SH3RF2: variants seen among roughly 807,000 people sequenced by gnomAD.
SH3RF2 encodes the protein E3 ubiquitin-protein ligase SH3RF2.
In SH3RF2, 43 loss-of-function variants were observed where a neutral mutation model predicts 59.0. That is an observed-to-expected ratio of 0.73 (90% CI 0.57 to 0.94). SH3RF2 has a LOEUF of 0.94. Among genes scored for constraint, SH3RF2 ranks in the 40% least tolerant of loss-of-function variants. SH3RF2 has a pLI of 0.00. For missense variants in SH3RF2, 930 were observed against 940.1 expected, an observed-to-expected ratio of 0.99 and a Z score of 0.14; for synonymous variants, 391 against 391.5, an observed-to-expected ratio of 1.00 and a Z score of 0.01.
intron 4 of SH3RF2, among the ~76,000 whole-genome samples, chr5:146,011,857 T>C (rs1324987302): frequency 6.6e-6 from 1 of 151,990 alleles, no homozygotes; most frequent in Admixed American, 6.6e-5. Context: ...CTTTTCCTAA[T>C]TGAATACCCT....
At chr5:145,937,432 C>A (rs1337415209) in intron 1 of SH3RF2, among the ~76,000 whole-genome samples, 2 of 152,096 alleles carry the variant, frequency 1.3e-5, no homozygotes, top group Admixed American at 6.5e-5. Flanking sequence ...GAGGAGATAG[C>A]TTCACAGAAA....
intron 2 of SH3RF2, among the ~76,000 whole-genome samples, chr5:145,990,349 T>C (rs1759885527): frequency 6.6e-6 from 1 of 152,202 alleles, no homozygotes; most frequent in African/African-American, 2.4e-5. Flanking sequence ...TCAAAAGCAA[T>C]AGAGATTATT....
chr5:146,024,111 G>A (rs1761438824), intron 5 of SH3RF2, among the ~76,000 whole-genome samples: 1 of 152,196 alleles, frequency 6.6e-6, no homozygotes, highest in South Asian at 2.1e-4. Flanking sequence ...ACCTAGAAGT[G>A]GAACTGTTAG....
In SH3RF2 at chr5:145,960,652, C is replaced by T. The variant is rs114529602; in HGVS notation, c.378+22346C>T. On this transcript the variant is annotated intron_variant, in intron 2 of 9. Transcript: ENST00000359120. ...GTTTAAAAGGGGTAGGCTGACCTGC[C>T]TCACTTGTGTTTAACTCCTATGGCT... Among the ~76,000 whole-genome samples, 1,128 of 152,268 alleles carry T rather than the reference C, an allele frequency of 7.4e-3. 14 individuals carry two copies. The highest frequency in any genetic ancestry group is 0.026 in the African/African-American group (1,068 of 41,542).
At chr5:146,047,007 T>C (rs912093437) in intron 5 of SH3RF2, among the ~76,000 whole-genome samples, 4 of 152,172 alleles carry the variant, frequency 2.6e-5, no homozygotes, top group African/African-American at 9.7e-5. Flanking sequence ...TTCTCCCAGC[T>C]CAGCTTCCCA....
intron 2 of SH3RF2, among the ~76,000 whole-genome samples, chr5:145,949,766 G>C (rs1315590855): frequency 6.6e-6 from 1 of 152,166 alleles, no homozygotes. Flanking sequence ...ATTTTTAACA[G>C]GGGAAAAAGA....
intron 9 of SH3RF2, among the ~76,000 whole-genome samples, chr5:146,074,736 T>C (rs1002701119): frequency 5.9e-5 from 9 of 152,150 alleles, no homozygotes; most frequent in African/African-American, 2.2e-4. Flanking sequence ...TTATTACTAG[T>C]TGTGAGTCTC....
rs1263734613 is a variant in SH3RF2 at position 145,938,214 on chromosome 5, T to C, written c.286T>C (p.Leu96=). The part of the protein sequence containing the change: ...GSFRRPGTMT[L]QDGRKSRTNP... ...CTTCCGCAGGCCTGGCACGATGACC[T>C]TGCAGGATGGCAGGAAAAGCAGGAC... The change falls in exon 2 of 10, where the codon TTG becomes CTG. Residue 96 remains leucine, a synonymous_variant. Transcript: ENST00000359120. 1.9e-6 allele frequency: 3 copies of C among 1,612,932 alleles called. No individual in the cohort carries two copies. The African/African-American group carries it at 4.0e-5, about 22-fold the overall frequency.
rs377071770 is a variant in SH3RF2, at chr5:145,987,944, A to T, written c.379-12114A>T. ...TGAGGAAGTGTGCTCAGGGGTCCCA[A>T]GATCACCTTCACTTTCAGTTATTCA... On this transcript the variant is annotated intron_variant, in intron 2 of 9. Coordinates refer to ENST00000359120, the MANE Select transcript of SH3RF2 (RefSeq NM_152550.4). 1.3e-3 allele frequency among the ~76,000 whole-genome samples: 196 copies of T among 152,352 alleles called. 1 individual carries two copies. Among genetic ancestry groups the T allele is most frequent in the African/African-American group, 4.6e-3 (190 of 41,582 alleles).
At chr5:146,009,781 T>C (rs1381115889) in intron 4 of SH3RF2, among the ~76,000 whole-genome samples, 1 of 152,250 alleles carries the variant, frequency 6.6e-6, no homozygotes, top group Non-Finnish European at 1.5e-5. Flanking sequence ...TATAAGCTTC[T>C]TGAAGCAAGA....
chr5:145,941,917 A>G (rs542741921), intron 2 of SH3RF2, among the ~76,000 whole-genome samples: 1 of 152,194 alleles, frequency 6.6e-6, no homozygotes, highest in African/African-American at 2.4e-5. Flanking sequence ...TGTTGAAGTG[A>G]CTCAATACTT....
downstream of SH3RF2, among the ~76,000 whole-genome samples, chr5:146,064,790 AGGAAGGAAGG>A (rs1763045461): frequency 3.0e-5 from 1 of 33,130 alleles, no homozygotes; most frequent in African/African-American, 1.1e-4. Flanking sequence ...GAAGGAAGGA[AGGAAGGAAGG>A]AAGGAAGGAA....
chr5:145,980,464 A>G (rs1287288576), intron 2 of SH3RF2, among the ~76,000 whole-genome samples: 1 of 152,176 alleles, frequency 6.6e-6, no homozygotes, highest in Non-Finnish European at 1.5e-5. Flanking sequence ...TTAGCATTCC[A>G]CAGTAGTTAC....
downstream of SH3RF2, among the ~76,000 whole-genome samples, chr5:146,065,752 G>GT (rs1377637193): frequency 3.3e-5 from 5 of 152,174 alleles, no homozygotes; most frequent in Non-Finnish European, 5.9e-5. Context: ...GACAAAGGAT[G>GT]TTTTTTCCAA....
chr5:146,026,940 A>G (rs538351835), intron 5 of SH3RF2, among the ~76,000 whole-genome samples: 7 of 152,304 alleles, frequency 4.6e-5, no homozygotes, highest in African/African-American at 1.4e-4. Context: ...TGGCTCAATA[A>G]ATGTTCACTC....
intron 4 of SH3RF2, among the ~76,000 whole-genome samples, chr5:146,006,684 C>T (rs183394247): frequency 3.9e-5 from 6 of 152,268 alleles, no homozygotes; most frequent in Non-Finnish European, 1.5e-5. Flanking sequence ...GAAGACAGAT[C>T]ACAGAGGACT....
intron 2 of SH3RF2, among the ~76,000 whole-genome samples, chr5:145,964,185 TTTC>T (rs992340715): frequency 1.1e-4 from 16 of 151,812 alleles, no homozygotes; most frequent in Non-Finnish European, 8.8e-5. Context: ...TTTCTTTTTC[TTTC>T]TTCTTTCTTT....
At chr5:146,002,044 G>A (rs892074198) in intron 3 of SH3RF2, among the ~76,000 whole-genome samples, 8 of 152,288 alleles carry the variant, frequency 5.3e-5, no homozygotes, top group Non-Finnish European at 1.0e-4. Context: ...CTTATTGGCT[G>A]ACTACTAAAA....
chr5:146,035,540 G>A (rs1322010844), intron 5 of SH3RF2, among the ~76,000 whole-genome samples: 1 of 152,134 alleles, frequency 6.6e-6, no homozygotes, highest in Non-Finnish European at 1.5e-5. Context: ...TGAAAGCATA[G>A]CAAAGTGGGG....
Sources: allele counts gnomAD v4.1 joint callset (sites outside exome capture counted in the v4.1 genomes callset), GRCh38; gene constraint gnomAD v4.1.1; transcripts MANE v1.5; gene names NCBI Gene and HGNC (gene_info 2026-07-23, HGNC 2026-07-21).